The following POU3F3 variants were observed in gnomAD, a reference collection of about 807,000 sequenced individuals.
The protein encoded by POU3F3 is POU class 3 homeobox 3.
A neutral mutation model predicts 8.6 loss-of-function variants in POU3F3; 1 was observed. The ratio of observed to expected loss-of-function variants is 0.12; its 90% confidence interval spans 0.04 to 0.55. The LOEUF (loss-of-function observed/expected upper bound fraction) is 0.55, where lower values mean the gene tolerates loss of function less well. POU3F3 is among the 20% of genes least tolerant of loss of function. The pLI, the probability that POU3F3 is intolerant of heterozygous loss-of-function variation, is 0.91. For synonymous variants in POU3F3, 418 were observed against 327.4 expected, an observed-to-expected ratio of 1.28 and a Z score of -2.99; for missense variants, 577 against 690.7, an observed-to-expected ratio of 0.84 and a Z score of 1.84.
the POU3F3 span, among the ~76,000 whole-genome samples, chr2:104,919,293 T>A: frequency 7.9e-5 from 12 of 152,224 alleles, no homozygotes; most frequent in Non-Finnish European, 1.6e-4. Flanking sequence ...CTGCACATTG[T>A]CTTCAGTGTT....
At chr2:104,876,904 G>T in the POU3F3 span, among the ~76,000 whole-genome samples, 1 of 152,210 alleles carries the variant, frequency 6.6e-6, no homozygotes, top group Non-Finnish European at 1.5e-5. Flanking sequence ...GGGTTCAGGG[G>T]GCTTGAAGGA....
Position 104,854,925 on chromosome 2 carries a change from A to G in POU3F3, c.-586A>G, listed in dbSNP as rs1676516785. Among the ~76,000 whole-genome samples, 1 of 152,224 alleles carries G rather than the reference A, an allele frequency of 6.6e-6. No individual in the cohort carries two copies. The highest frequency in any genetic ancestry group is 2.4e-5 in the African/African-American group (1 of 41,464). Reference sequence around the variant, plus strand: ...TCATCCGTAATTTGGCTAAGGAAGAAAGGAGCAGCTTCTTTCTTTGTTATC... The same window carrying G: ...TCATCCGTAATTTGGCTAAGGAAGAGAGGAGCAGCTTCTTTCTTTGTTATC... On this transcript the variant is annotated 5_prime_UTR_variant, in exon 1 of 1. Transcript: ENST00000361360. The surrounding 1 kb of genome is among the most constrained non-coding windows in gnomAD (Gnocchi z 4.5).
At chr2:104,897,319 C>T in the POU3F3 span, among the ~76,000 whole-genome samples, 1 of 152,208 alleles carries the variant, frequency 6.6e-6, no homozygotes, top group South Asian at 2.1e-4. Context: ...CCCGGAGCTC[C>T]TCCACCCAGA....
At chr2:104,909,509 G>A in the POU3F3 span, among the ~76,000 whole-genome samples, 5 of 152,194 alleles carry the variant, frequency 3.3e-5, no homozygotes, top group South Asian at 6.2e-4. Flanking sequence ...GGTGCTTGCC[G>A]CTGCCCCTGT....
the POU3F3 span, among the ~76,000 whole-genome samples, chr2:104,894,406 T>C: frequency 2.0e-5 from 3 of 152,198 alleles, no homozygotes; most frequent in Non-Finnish European, 4.4e-5. Context: ...AGAACTTCCA[T>C]TTATAGGTGA....
chr2:104,868,667 G>T, the POU3F3 span, among the ~76,000 whole-genome samples: 13 of 152,290 alleles, frequency 8.5e-5, no homozygotes, highest in Non-Finnish European at 7.3e-5. Flanking sequence ...CCAAATGGCT[G>T]CTGCCTTGGG....
chr2:104,889,825 G>A, the POU3F3 span, among the ~76,000 whole-genome samples: 1 of 152,190 alleles, frequency 6.6e-6, no homozygotes, highest in African/African-American at 2.4e-5. Context: ...ATAAAGTCTG[G>A]CATGAGGAAG....
chr2:104,891,829 T>A, the POU3F3 span, among the ~76,000 whole-genome samples: 17 of 152,264 alleles, frequency 1.1e-4, no homozygotes, highest in African/African-American at 4.1e-4. Context: ...TGTGAAAAAT[T>A]AAAAATCCAG....
At chr2:104,892,233 GCC>G in the POU3F3 span, among the ~76,000 whole-genome samples, 8 of 152,224 alleles carry the variant, frequency 5.3e-5, no homozygotes, top group South Asian at 1.0e-3. Context: ...GGTGAAGATG[GCC>G]CATCACAGAG....
the POU3F3 span, among the ~76,000 whole-genome samples, chr2:104,878,665 C>T: frequency 6.6e-6 from 1 of 152,138 alleles, no homozygotes; most frequent in African/African-American, 2.4e-5. Context: ...TGGCATCTTG[C>T]CTGAGGGTTG....
chr2:104,873,648 A>C, the POU3F3 span, among the ~76,000 whole-genome samples: 3 of 152,230 alleles, frequency 2.0e-5, no homozygotes, highest in African/African-American at 7.2e-5. Context: ...CAAAAAGTTG[A>C]CGCTGGGTGG....
the POU3F3 span, among the ~76,000 whole-genome samples, chr2:104,925,622 T>C: frequency 6.6e-6 from 1 of 152,048 alleles, no homozygotes; most frequent in African/African-American, 2.4e-5. Context: ...ATGCAAAAAA[T>C]AAATTTAAAA....
chr2:104,921,087 C>T, the POU3F3 span, among the ~76,000 whole-genome samples: 6 of 152,132 alleles, frequency 3.9e-5, no homozygotes, highest in African/African-American at 1.4e-4. Context: ...TATCTTTACT[C>T]TATGAGATAG....
chr2:104,919,817 C>G, the POU3F3 span, among the ~76,000 whole-genome samples: 6 of 151,816 alleles, frequency 4.0e-5, no homozygotes, highest in South Asian at 1.3e-3. Flanking sequence ...TCCTCCTCTC[C>G]TCTTCCTCTT....
rs1307620469 is a variant in POU3F3, at chr2:104,855,832, G to A, written c.322G>A (p.Ala108Thr). Residue 108 changes from alanine (A) to threonine (T), a missense_variant, in exon 1 of 1, where the codon GCC (alanine) becomes ACC (threonine). Ala to Thr is a moderately conservative substitution (Grantham distance 58). Around this residue, in one of 7 missense-constraint regions of POU3F3, gnomAD observed 484 missense variants for 422.6 expected, o/e 1.15. Coordinates refer to ENST00000361360, the MANE Select transcript of POU3F3 (RefSeq NM_006236.3). ...VTALPHAAAA[A>T]AAAAAAAVEA... Reference sequence around the variant, plus strand: ...AGCCCTGCCCCACGCCGCCGCCGCCGCCGCCGCTGCCGCCGCCGCCGCCGT... The same window carrying A: ...AGCCCTGCCCCACGCCGCCGCCGCCACCGCCGCTGCCGCCGCCGCCGCCGT... 8 of 1,095,646 alleles carry A rather than the reference G, an allele frequency of 7.3e-6. No homozygotes were observed. Among genetic ancestry groups the A allele is most frequent in the East Asian group, 7.2e-5 (1 of 13,926 alleles). The allele number at this position is 1,095,646 out of a possible 1,614,324, so 67.9% of individuals were successfully genotyped here.
At position 104,856,176 on chromosome 2, in the gene POU3F3, C is replaced by T. The variant is rs1396525456; in HGVS notation, c.666C>T (p.Tyr222=). The change falls in exon 1 of 1, where the codon TAC becomes TAT. Residue 222 remains tyrosine (Y), a synonymous_variant. Transcript: ENST00000361360. The part of the protein sequence containing the change: ...GQQPPPQSLL[Y]SQPGGFTVNG... ...AGCCGCCGCCGCAGAGTCTGCTCTA[C>T]TCGCAGCCCGGAGGCTTCACGGTGA... The T allele has an allele frequency of 2.4e-6, 3 of 1,271,648 alleles. No homozygotes were observed. The highest frequency in any genetic ancestry group is 7.9e-5 in the Admixed American group (2 of 25,352). 78.8% of individuals were successfully genotyped at this position (1,271,648 alleles called of 1,614,324 possible). A position where few individuals can be genotyped will look rare whatever the true frequency, so the allele number is the denominator to read the frequency against.
the POU3F3 span, among the ~76,000 whole-genome samples, chr2:104,865,252 G>T: frequency 2.0e-5 from 3 of 152,212 alleles, no homozygotes; most frequent in Non-Finnish European, 4.4e-5. Context: ...GTTTGAGGGA[G>T]AGTTGTCCAG....
At chr2:104,910,147 AGCCC>A in the POU3F3 span, among the ~76,000 whole-genome samples, 1 of 152,202 alleles carries the variant, frequency 6.6e-6, no homozygotes, top group South Asian at 2.1e-4. Flanking sequence ...AAAATATGGT[AGCCC>A]TTATGACAGA....
chr2:104,906,870 T>C, the POU3F3 span, among the ~76,000 whole-genome samples: 2 of 152,202 alleles, frequency 1.3e-5, no homozygotes, highest in East Asian at 3.9e-4. Context: ...ATCTGAAATA[T>C]ACGTCTATGC....
Sources: gnomAD v4.1 joint callset for allele counts (sites outside exome capture counted in the v4.1 genomes callset) on GRCh38, gnomAD v4.1.1 for gene constraint, gnomAD v4.1.1 regional missense constraint, Gnocchi (gnomAD v3.1) non-coding constraint, MANE v1.5 for transcripts, NCBI Gene and HGNC (gene_info 2026-07-23, HGNC 2026-07-21) for gene names.